The following MDGA2 variants were observed in gnomAD, a reference collection of about 807,000 sequenced individuals.
MDGA2 encodes MAM domain-containing glycosylphosphatidylinositol anchor protein 2.
MDGA2 carries 40 observed loss-of-function variants against 117.8 expected under a neutral mutation model. The ratio of observed to expected loss-of-function variants is 0.34; its 90% confidence interval spans 0.26 to 0.44. The LOEUF (loss-of-function observed/expected upper bound fraction) is 0.44. Among genes scored for constraint, MDGA2 ranks in the 20% least tolerant of loss-of-function variants. The pLI is 1.00. For missense variants in MDGA2, 1,123 were observed against 1,250.6 expected, an observed-to-expected ratio of 0.90 and a Z score of 1.54; for synonymous variants, 452 against 439.0, an observed-to-expected ratio of 1.03 and a Z score of -0.37.
intron 8 of MDGA2, among the ~76,000 whole-genome samples, chr14:46,980,912 C>T (rs929407272): frequency 4.6e-5 from 7 of 152,108 alleles, no homozygotes; most frequent in African/African-American, 1.7e-4. Flanking sequence ...GTGTGACTTG[C>T]CTCATTTCAG....
intron 1 of MDGA2, among the ~76,000 whole-genome samples, chr14:47,415,184 TG>T (rs1892449573): frequency 6.6e-6 from 1 of 152,180 alleles, no homozygotes; most frequent in African/African-American, 2.4e-5. Flanking sequence ...GATATAATTT[TG>T]GTTGCTAACA....
At chr14:47,031,236 AC>A (rs1477782317) in intron 8 of MDGA2, among the ~76,000 whole-genome samples, 6 of 151,546 alleles carry the variant, frequency 4.0e-5, no homozygotes, top group African/African-American at 1.5e-4. Context: ...ATATACACAC[AC>A]ACACACACTA....
chr14:47,506,443 C>T (rs951213656), intron 1 of MDGA2, among the ~76,000 whole-genome samples: 1 of 152,154 alleles, frequency 6.6e-6, no homozygotes, highest in African/African-American at 2.4e-5. Flanking sequence ...AATTTCTTCT[C>T]AGTATTTTAA....
chr14:47,178,585 G>T (rs569154786), intron 3 of MDGA2, among the ~76,000 whole-genome samples: 1 of 151,938 alleles, frequency 6.6e-6, no homozygotes, highest in African/African-American at 2.4e-5. Context: ...TATGTACCAG[G>T]CACTGACCTA....
At chr14:46,933,852 A>ATG (rs1884680565) in intron 9 of MDGA2, among the ~76,000 whole-genome samples, 1 of 99,952 alleles carries the variant, frequency 1.0e-5, no homozygotes, top group Non-Finnish European at 2.1e-5. Flanking sequence ...ATATATATAT[A>ATG]CTTTTCTTGG....
intron 3 of MDGA2, among the ~76,000 whole-genome samples, chr14:47,191,429 T>C (rs1885109614): frequency 6.8e-6 from 1 of 146,096 alleles, no homozygotes; most frequent in Non-Finnish European, 1.5e-5. Context: ...CATATATATA[T>C]ATATATATGA....
intron 10 of MDGA2, among the ~76,000 whole-genome samples, chr14:46,899,477 C>T (rs1883202775): frequency 6.6e-6 from 1 of 151,940 alleles, no homozygotes. Flanking sequence ...TTTAGCTTAT[C>T]TCACAGAAAT....
chr14:47,057,496 A>G (rs1394192656), intron 7 of MDGA2, among the ~76,000 whole-genome samples: 1 of 152,064 alleles, frequency 6.6e-6, no homozygotes, highest in African/African-American at 2.4e-5. Context: ...TCCCAATGAA[A>G]CAATTTGCAT....
intron 8 of MDGA2, among the ~76,000 whole-genome samples, chr14:46,977,086 AATAG>A (rs911501314): frequency 1.3e-5 from 2 of 151,916 alleles, no homozygotes; most frequent in Non-Finnish European, 2.9e-5. Flanking sequence ...TGCTTTATAA[AATAG>A]ATATTTACAG....
At chr14:46,954,069 C>T (rs1885468515) in intron 9 of MDGA2, among the ~76,000 whole-genome samples, 1 of 151,858 alleles carries the variant, frequency 6.6e-6, no homozygotes, top group Non-Finnish European at 1.5e-5. Flanking sequence ...TTGGTTTAAG[C>T]CAATGTGTAG....
At chr14:47,058,782 T>C (rs1162910507) in intron 7 of MDGA2, 1 of 985,372 alleles carries the variant, frequency 1.0e-6, no homozygotes, top group Non-Finnish European at 1.2e-6. Flanking sequence ...TAACTCATTC[T>C]TTAGGTTAGG....
At chr14:47,343,764 C>CTT (rs891297214) in intron 1 of MDGA2, among the ~76,000 whole-genome samples, 2 of 151,782 alleles carry the variant, frequency 1.3e-5, no homozygotes, top group East Asian at 3.9e-4. Flanking sequence ...TGCTCTAGGC[C>CTT]TTTTTTTTCT....
chr14:47,131,841 T>C lies in MDGA2; in HGVS notation c.798A>G (p.Glu266=). The C allele has an allele frequency of 6.4e-7, 1 of 1,572,596 alleles. No individual in the cohort carries two copies. Among genetic ancestry groups the C allele is most frequent in the Non-Finnish European group, 8.7e-7 (1 of 1,151,196 alleles). ...GATTCTTTAGTTTTAAGATCTTTGTTTCACCCTGAAAATGTACACAAAAAA... is the reference window on the plus strand; with the variant it reads ...GATTCTTTAGTTTTAAGATCTTTGTCTCACCCTGAAAATGTACACAAAAAA... ...EIYEPFFTQG[E]TKILKLKNLR... Residue 266 remains glutamate, a synonymous_variant, in exon 5 of 17, where the codon GAA becomes GAG. Transcript: ENST00000399232.
At chr14:47,487,344 A>C (rs934300319) in intron 1 of MDGA2, among the ~76,000 whole-genome samples, 4 of 152,222 alleles carry the variant, frequency 2.6e-5, no homozygotes, top group Admixed American at 6.5e-5. Context: ...TCTTTCCACA[A>C]TAAGGAATAT....
intron 1 of MDGA2, chr14:47,343,196 T>C: frequency 8.8e-7 from 1 of 1,135,128 alleles, no homozygotes; most frequent in Non-Finnish European, 1.1e-6. Context: ...CTCAAGCTAT[T>C]AAAAGGAATG....
intron 1 of MDGA2, among the ~76,000 whole-genome samples, chr14:47,530,460 G>A (rs1895072928): frequency 1.3e-5 from 2 of 152,200 alleles, no homozygotes; most frequent in South Asian, 4.1e-4. Flanking sequence ...ACACTATATT[G>A]TAAATTCTTA....
chr14:47,054,090 T>C (rs1043772121), intron 7 of MDGA2, among the ~76,000 whole-genome samples: 2 of 151,888 alleles, frequency 1.3e-5, no homozygotes, highest in African/African-American at 4.8e-5. Flanking sequence ...ATGAGAGAGA[T>C]TGTGAGTACT....
intron 7 of MDGA2, among the ~76,000 whole-genome samples, chr14:47,045,410 T>C (rs768930371): frequency 6.6e-6 from 1 of 152,076 alleles, no homozygotes; most frequent in Non-Finnish European, 1.5e-5. Context: ...TAAAAGCAAA[T>C]AGTTCTTTCT....
At chr14:47,593,291 A>C (rs907775915) in intron 1 of MDGA2, among the ~76,000 whole-genome samples, 2 of 152,172 alleles carry the variant, frequency 1.3e-5, no homozygotes, top group African/African-American at 4.8e-5. Flanking sequence ...TGGGAATGTA[A>C]ATTAGTTCAA....
Sources: gnomAD v4.1 joint callset for allele counts (sites outside exome capture counted in the v4.1 genomes callset) on GRCh38, gnomAD v4.1.1 for gene constraint, MANE v1.5 for transcripts, NCBI Gene and HGNC (gene_info 2026-07-23, HGNC 2026-07-21) for gene names.